The following DEPDC1B variants were observed in gnomAD, a reference collection of about 807,000 sequenced individuals.
The protein encoded by DEPDC1B is DEP domain containing 1B.
DEPDC1B carries 51 observed loss-of-function variants against 66.5 expected under a neutral mutation model. The ratio of observed to expected loss-of-function variants is 0.77; its 90% CI spans 0.61 to 0.97. The LOEUF (loss-of-function observed/expected upper bound fraction) is 0.97, where lower values mean the gene tolerates loss of function less well. DEPDC1B is among the 50% of genes least tolerant of loss of function. The pLI is 0.00. For synonymous variants in DEPDC1B, 226 were observed against 223.6 expected, an observed-to-expected ratio of 1.01 and a Z score of -0.10; for missense variants, 552 against 637.1, an observed-to-expected ratio of 0.87 and a Z score of 1.44.
intron 6 of DEPDC1B, among the ~76,000 whole-genome samples, chr5:60,639,286 A>G (rs1753131791): frequency 6.6e-6 from 1 of 152,226 alleles, no homozygotes; most frequent in African/African-American, 2.4e-5. Context: ...CGAGATAACA[A>G]TTAGCTCACA....
chr5:60,617,461 A>G (rs1192714772), intron 7 of DEPDC1B, among the ~76,000 whole-genome samples: 1 of 152,152 alleles, frequency 6.6e-6, no homozygotes, highest in East Asian at 1.9e-4. Flanking sequence ...AGCAAATGGA[A>G]AACAAAATAA....
At chr5:60,660,221 GGAGA>G (rs947383468) in intron 2 of DEPDC1B, among the ~76,000 whole-genome samples, 4 of 149,350 alleles carry the variant, frequency 2.7e-5, no homozygotes, top group African/African-American at 7.4e-5. Flanking sequence ...CAGAAAGCGA[GGAGA>G]GAGAGAGACA....
Position 60,638,749 on chromosome 5 carries a change from C to T in DEPDC1B, c.898+1G>A. 6.2e-7 allele frequency: 1 copy of T among 1,608,156 alleles called. No homozygotes were observed. On this transcript the variant is annotated splice_donor_variant, in intron 7 of 10. Transcript: ENST00000265036. LOFTEE classifies it high-confidence loss of function. ...TATATGTTCATTATATTCCAACTTA[C>T]CCAGTACACTGACAAAAGCATCAAA...
intron 7 of DEPDC1B, chr5:60,628,710 G>A (rs1357988643): frequency 2.6e-5 from 4 of 152,166 alleles, no homozygotes; most frequent in Non-Finnish European, 5.9e-5. Flanking sequence ...ATCCATGCAC[G>A]TGATGATGCC....
chr5:60,615,442 T>C (rs367628354), intron 7 of DEPDC1B, among the ~76,000 whole-genome samples: 7 of 152,304 alleles, frequency 4.6e-5, no homozygotes, highest in Admixed American at 3.3e-4. Context: ...CGGGTCACTC[T>C]CACCCTAATA....
At chr5:60,647,640 A>G in intron 2 of DEPDC1B, 107 bp from the exon 3 acceptor site, 1 of 1,248,436 alleles carries the variant, frequency 8.0e-7, no homozygotes, top group Non-Finnish European at 1.1e-6. Flanking sequence ...AATAATTTGT[A>G]CAATATTTAT....
At chr5:60,598,969 G>T in intron 10 of DEPDC1B, 106 bp downstream of exon 10, 1 of 973,004 alleles carries the variant, frequency 1.0e-6, no homozygotes, top group Non-Finnish European at 1.5e-6. Context: ...TTAGAAAACT[G>T]CTATGGCTCA....
At chr5:60,631,418 C>T (rs1002434431) in intron 7 of DEPDC1B, among the ~76,000 whole-genome samples, 35 of 152,142 alleles carry the variant, frequency 2.3e-4, no homozygotes, top group African/African-American at 8.0e-4. Flanking sequence ...TGACATGTTC[C>T]CACACGTTGT....
At chr5:60,691,820 C>T (rs1430174915) in intron 1 of DEPDC1B, among the ~76,000 whole-genome samples, 1 of 152,180 alleles carries the variant, frequency 6.6e-6, no homozygotes, top group East Asian at 1.9e-4. Context: ...GGTGGATCTA[C>T]TGATCCCACT....
At chr5:60,619,353 C>T (rs1752646031) in intron 7 of DEPDC1B, among the ~76,000 whole-genome samples, 1 of 152,220 alleles carries the variant, frequency 6.6e-6, no homozygotes, top group South Asian at 2.1e-4. Flanking sequence ...CAAATTGTCC[C>T]TGTTTGCAGA....
intron 2 of DEPDC1B, among the ~76,000 whole-genome samples, chr5:60,653,670 A>T (rs914755025): frequency 2.0e-5 from 3 of 152,170 alleles, no homozygotes; most frequent in Non-Finnish European, 4.4e-5. Flanking sequence ...GTTCTTGGTC[A>T]TGAAGTCTTT....
At chr5:60,599,043 G>T in intron 10 of DEPDC1B, 32 bp downstream of exon 10, 1 of 1,529,408 alleles carries the variant, frequency 6.5e-7, no homozygotes, top group Non-Finnish European at 8.8e-7. Flanking sequence ...GTAGGGAGGA[G>T]AAAAAATGGC....
intron 2 of DEPDC1B, among the ~76,000 whole-genome samples, chr5:60,680,066 G>A (rs986128807): frequency 2.0e-5 from 3 of 152,150 alleles, no homozygotes; most frequent in African/African-American, 7.2e-5. Context: ...CATCACAGAA[G>A]TAGAAATGTT....
chr5:60,665,285 C>T (rs887799435), intron 2 of DEPDC1B, among the ~76,000 whole-genome samples: 19 of 152,124 alleles, frequency 1.2e-4, no homozygotes, highest in South Asian at 6.2e-4. Flanking sequence ...TAATAGCACC[C>T]ATGATATGGC....
At chr5:60,646,183 T>A (rs1183495126) in intron 3 of DEPDC1B, among the ~76,000 whole-genome samples, 4 of 152,188 alleles carry the variant, frequency 2.6e-5, no homozygotes, top group Admixed American at 2.6e-4. Context: ...CTTTTTAGCA[T>A]TACACCTCAG....
At chr5:60,637,039 A>G (rs1753059740) in intron 7 of DEPDC1B, among the ~76,000 whole-genome samples, 2 of 152,256 alleles carry the variant, frequency 1.3e-5, no homozygotes, top group African/African-American at 4.8e-5. Flanking sequence ...TCCAAAACAG[A>G]TACTTTTACT....
At chr5:60,659,721 C>T (rs1452791847) in intron 2 of DEPDC1B, among the ~76,000 whole-genome samples, 1 of 152,200 alleles carries the variant, frequency 6.6e-6, no homozygotes. Context: ...AAAGTGTAGC[C>T]CCCAAATTCT....
chr5:60,606,525 C>T (rs1752312720), intron 7 of DEPDC1B, among the ~76,000 whole-genome samples: 1 of 144,640 alleles, frequency 6.9e-6, no homozygotes, highest in Non-Finnish European at 1.5e-5. Context: ...GTAATCTCAG[C>T]ACTTTGAGAT....
rs1048588716 is a variant in DEPDC1B, at chr5:60,699,339, G to T, written c.48+707C>A. ...CCCAAATTACCATTACACTTCCACAGAAAGTCCTCTAAAAACTTGCCACAG... is the reference window on the plus strand; with the variant it reads ...CCCAAATTACCATTACACTTCCACATAAAGTCCTCTAAAAACTTGCCACAG... On this transcript the variant is annotated intron_variant, in intron 1 of 10. Coordinates refer to ENST00000265036, the MANE Select transcript of DEPDC1B (RefSeq NM_018369.3). Among the ~76,000 whole-genome samples, 6 of 53,272 alleles carry T rather than the reference G, an allele frequency of 1.1e-4. No homozygotes were observed. In the Admixed American group the frequency reaches 1.2e-3, roughly 11 times the overall value. The allele number at this position is 53,272 out of a possible 152,430, so 34.9% of individuals were successfully genotyped here.
Sources: gnomAD v4.1 joint callset for allele counts (sites outside exome capture counted in the v4.1 genomes callset) on GRCh38, gnomAD v4.1.1 for gene constraint, MANE v1.5 for transcripts, NCBI Gene and HGNC (gene_info 2026-07-23, HGNC 2026-07-21) for gene names.